The following FAF1 variants were observed in gnomAD, a reference collection of about 807,000 sequenced individuals.
FAF1 encodes the protein FAS-associated factor 1.
A neutral mutation model predicts 92.5 loss-of-function variants in FAF1; 25 were observed. That is an observed-to-expected ratio of 0.27 (90% CI 0.20 to 0.38). The LOEUF is 0.38. FAF1 is among the 10% of genes least tolerant of loss of function. The pLI is 1.00. For missense variants in FAF1, 636 were observed against 793.3 expected (o/e 0.80, Z 2.38); for synonymous variants, 234 against 273.2 (o/e 0.86, Z 1.42).
intron 15 of FAF1, among the ~76,000 whole-genome samples, chr1:50,525,977 C>T (rs1164454623): frequency 6.6e-6 from 1 of 152,140 alleles, no homozygotes; most frequent in East Asian, 1.9e-4. Flanking sequence ...CAGATGCAAA[C>T]CACAAACTTT....
intron 8 of FAF1, among the ~76,000 whole-genome samples, chr1:50,617,314 A>G (rs939582858): frequency 7.2e-5 from 11 of 152,138 alleles, no homozygotes; most frequent in African/African-American, 2.2e-4. Context: ...ATTTTGAGAT[A>G]TGTTCCTTCA....
rs978267055 is a variant in FAF1 at position 50,959,755 on chromosome 1, C to T, written c.45+12G>A. On this transcript the variant is annotated intron_variant, in intron 1 of 18. Coordinates refer to ENST00000396153, the MANE Select transcript of FAF1 (RefSeq NM_007051.3). ...GTTGGAAGTGGGAGGGGAAGAGGGC[C>T]AGATACTTCACCTGAAAATCCGCCA... The T allele has an allele frequency of 6.2e-7, 1 of 1,600,506 alleles. No homozygotes were observed. Among genetic ancestry groups the T allele is most frequent in the East Asian group, 2.3e-5 (1 of 43,290 alleles).
intron 2 of FAF1, among the ~76,000 whole-genome samples, chr1:50,806,709 C>A (rs1331570790): frequency 1.3e-5 from 2 of 152,114 alleles, no homozygotes; most frequent in African/African-American, 2.4e-5. Context: ...ACAAGAATGC[C>A]GGGGGCCTGG....
chr1:50,664,355 T>G (rs912179934), intron 7 of FAF1, among the ~76,000 whole-genome samples: 2 of 151,262 alleles, frequency 1.3e-5, no homozygotes, highest in Non-Finnish European at 2.9e-5. Flanking sequence ...TAATACATAT[T>G]TGGAACTTGC....
intron 13 of FAF1, among the ~76,000 whole-genome samples, chr1:50,556,240 A>AAT (rs1649575228): frequency 1.8e-5 from 1 of 56,906 alleles, no homozygotes; most frequent in Admixed American, 1.5e-4. Context: ...TCCATCTCCA[A>AAT]AAAAAAAAAA....
At chr1:50,588,331 C>G (rs937739239) in intron 9 of FAF1, among the ~76,000 whole-genome samples, 2 of 152,182 alleles carry the variant, frequency 1.3e-5, no homozygotes, top group African/African-American at 4.8e-5. Context: ...ATTTGTCAGG[C>G]AATTCGTGTA....
At chr1:50,713,924 C>A (rs1658059947) in intron 6 of FAF1, among the ~76,000 whole-genome samples, 1 of 151,612 alleles carries the variant, frequency 6.6e-6, no homozygotes, top group Non-Finnish European at 1.5e-5. Flanking sequence ...CAGGCACCCA[C>A]CATGCCCAGC....
intron 18 of FAF1, among the ~76,000 whole-genome samples, chr1:50,466,281 T>C (rs968766508): frequency 1.3e-5 from 2 of 152,146 alleles, no homozygotes; most frequent in Non-Finnish European, 2.9e-5. Context: ...GTAAGGTTTC[T>C]TGCCTGAACA....
intron 17 of FAF1, among the ~76,000 whole-genome samples, chr1:50,482,829 T>C (rs1646718667): frequency 1.3e-5 from 2 of 152,228 alleles, no homozygotes; most frequent in African/African-American, 4.8e-5. Flanking sequence ...TTAAATATTT[T>C]GCTCATTTTA....
At chr1:50,895,015 A>G (rs1261708714) in intron 1 of FAF1, among the ~76,000 whole-genome samples, 2 of 152,296 alleles carry the variant, frequency 1.3e-5, no homozygotes, top group South Asian at 2.1e-4. Context: ...TAGTAGAAGA[A>G]GAGAAATAAT....
chr1:50,878,675 A>C (rs1418602715), intron 1 of FAF1, among the ~76,000 whole-genome samples: 2 of 152,176 alleles, frequency 1.3e-5, no homozygotes, highest in Non-Finnish European at 2.9e-5. Flanking sequence ...AATCCTCTCA[A>C]TGATACCACA....
At chr1:50,501,616 G>C (rs1318832062) in intron 15 of FAF1, among the ~76,000 whole-genome samples, 1 of 150,098 alleles carries the variant, frequency 6.7e-6, no homozygotes, top group Admixed American at 6.7e-5. Flanking sequence ...AGCCGAGATT[G>C]CACCACTGCA....
At chr1:50,878,064 A>C (rs967152481) in intron 1 of FAF1, among the ~76,000 whole-genome samples, 1 of 152,216 alleles carries the variant, frequency 6.6e-6, no homozygotes, top group East Asian at 1.9e-4. Context: ...GCTTTCCTTC[A>C]AAACAATATA....
intron 10 of FAF1, among the ~76,000 whole-genome samples, chr1:50,584,170 T>G (rs1463836377): frequency 6.6e-6 from 1 of 152,118 alleles, no homozygotes; most frequent in East Asian, 1.9e-4. Context: ...ACAAAGTAAA[T>G]AGGCCATTAT....
At chr1:50,906,670 GCTCT>G (rs1418752750) in intron 1 of FAF1, among the ~76,000 whole-genome samples, 11 of 152,114 alleles carry the variant, frequency 7.2e-5, no homozygotes, top group African/African-American at 2.2e-4. Context: ...TCATGATTCG[GCTCT>G]CTGTTTGTCT....
chr1:50,848,645 C>T (rs1644322671), intron 2 of FAF1, among the ~76,000 whole-genome samples: 1 of 152,196 alleles, frequency 6.6e-6, no homozygotes, highest in African/African-American at 2.4e-5. Context: ...ATATTGACAT[C>T]ATATACCTCC....
rs911382828 is a variant in FAF1 at position 50,448,232 on chromosome 1, T to C, written c.1870-6709A>G. Reference sequence around the variant, plus strand: ...TTTATGTGTAAGTAGATGGTGTCTATGTGGTTTGAGTTCCCCAGTGGCTGG... The same window carrying C: ...TTTATGTGTAAGTAGATGGTGTCTACGTGGTTTGAGTTCCCCAGTGGCTGG... On this transcript the variant is annotated intron_variant, in intron 18 of 18. Transcript: ENST00000396153. Among the ~76,000 whole-genome samples, 6 of 152,180 alleles carry C rather than the reference T, an allele frequency of 3.9e-5. No homozygotes were observed. In the East Asian group the frequency reaches 1.2e-3, roughly 29 times the overall value.
rs1391569617 is a variant in FAF1, at chr1:50,910,193, A to G, written c.45+49574T>C. On this transcript the variant is annotated intron_variant, in intron 1 of 18. Coordinates refer to ENST00000396153, the MANE Select transcript of FAF1 (RefSeq NM_007051.3). The stretch of plus-strand genomic sequence containing the variant: ...GGTATCAACAGCAGAGGCAGCAGAA[A>G]AGCAAATATTGCAGAACGGCAAATG... 2.0e-5 allele frequency among the ~76,000 whole-genome samples: 3 copies of G among 152,186 alleles called. No homozygotes were observed. In the East Asian group the frequency reaches 5.8e-4, roughly 29 times the overall value.
rs189685402 is a variant in FAF1 at position 50,766,316 on chromosome 1, G to A, written c.368-21541C>T. Among the ~76,000 whole-genome samples the A allele has an allele frequency of 4.4e-3, 674 of 152,236 alleles. 4 individuals are homozygous for A. The highest frequency in any genetic ancestry group is 0.013 in the African/African-American group (551 of 41,538). ...CATTTCTTTCTTTTAAACATTATAAGCCATTACCCCCTAGAATACTTTTTG... is the reference window on the plus strand; with the variant it reads ...CATTTCTTTCTTTTAAACATTATAAACCATTACCCCCTAGAATACTTTTTG... On this transcript the variant is annotated intron_variant, in intron 4 of 18. Coordinates refer to ENST00000396153, the MANE Select transcript of FAF1 (RefSeq NM_007051.3).
Sources: gnomAD v4.1 joint callset for allele counts (sites outside exome capture counted in the v4.1 genomes callset) on GRCh38, gnomAD v4.1.1 for gene constraint, MANE v1.5 for transcripts, NCBI Gene and HGNC (gene_info 2026-07-23, HGNC 2026-07-21) for gene names.